Variants in CTNNA3 observed in about 807,000 individuals in gnomAD.
CTNNA3 encodes catenin alpha 3, also known as catenin alpha-3.
Under a neutral mutation model 95.7 loss-of-function variants are expected in CTNNA3, and 76 were observed. The ratio of observed to expected loss-of-function variants is 0.79; its 90% confidence interval spans 0.66 to 0.96. CTNNA3 has a LOEUF of 0.96. Among genes scored for constraint, CTNNA3 ranks in the 40% least tolerant of loss-of-function variants. The pLI, the probability that CTNNA3 is intolerant of heterozygous loss-of-function variation, is 0.00. For missense variants in CTNNA3, 1,191 were observed against 1,089.8 expected (o/e 1.09, Z -1.31); for synonymous variants, 431 against 374.4 (o/e 1.15, Z -1.74).
intron 7 of CTNNA3, among the ~76,000 whole-genome samples, chr10:66,840,284 T>C (rs2132345025): frequency 6.7e-6 from 1 of 149,342 alleles, no homozygotes; most frequent in Non-Finnish European, 1.5e-5. Context: ...TACCCTTAAC[T>C]TAAGGACTTA....
chr10:67,197,844 A>C (rs945672414), intron 6 of CTNNA3, among the ~76,000 whole-genome samples: 1 of 152,152 alleles, frequency 6.6e-6, no homozygotes, highest in Non-Finnish European at 1.5e-5. Context: ...CACTGTGTTT[A>C]AAATTTTACT....
At chr10:66,056,892 T>C (rs907880523) in intron 15 of CTNNA3, among the ~76,000 whole-genome samples, 1 of 152,196 alleles carries the variant, frequency 6.6e-6, no homozygotes, top group African/African-American at 2.4e-5. Context: ...CAACCAGTCC[T>C]GGAAATTAAA....
chr10:67,020,768 A>C (rs1240445465), intron 7 of CTNNA3, among the ~76,000 whole-genome samples: 1 of 152,214 alleles, frequency 6.6e-6, no homozygotes, highest in Non-Finnish European at 1.5e-5. Flanking sequence ...TTCTAATGGA[A>C]TGACCATGTA....
chr10:66,048,835 C>T (rs1236437509), intron 15 of CTNNA3, among the ~76,000 whole-genome samples: 1 of 151,908 alleles, frequency 6.6e-6, no homozygotes, highest in Non-Finnish European at 1.5e-5. Context: ...TTATAAAAAC[C>T]CTGGAAGAAA....
intron 10 of CTNNA3, among the ~76,000 whole-genome samples, chr10:66,618,088 C>T (rs1372986184): frequency 6.6e-6 from 1 of 152,076 alleles, no homozygotes; most frequent in Non-Finnish European, 1.5e-5. Context: ...AAGAACATTC[C>T]ATGCTCATGG....
chr10:67,235,695 A>C (rs1048736780), intron 5 of CTNNA3, among the ~76,000 whole-genome samples: 1 of 143,396 alleles, frequency 7.0e-6, no homozygotes, highest in Non-Finnish European at 1.5e-5. Flanking sequence ...GCTTCTGCAC[A>C]GCAAAAGAAA....
intron 7 of CTNNA3, among the ~76,000 whole-genome samples, chr10:66,944,020 A>T (rs989115449): frequency 3.3e-5 from 5 of 152,136 alleles, no homozygotes; most frequent in African/African-American, 1.2e-4. Flanking sequence ...CTAAAAGTTG[A>T]GGTGACTGTG....
chr10:66,527,751 T>C (rs1291020588), intron 10 of CTNNA3, among the ~76,000 whole-genome samples: 1 of 152,158 alleles, frequency 6.6e-6, no homozygotes, highest in Non-Finnish European at 1.5e-5. Flanking sequence ...TCATTGTTCG[T>C]ATACAAAGAC....
intron 1 of CTNNA3, among the ~76,000 whole-genome samples, chr10:67,683,637 G>A (rs1036997385): frequency 2.3e-4 from 35 of 152,230 alleles, no homozygotes; most frequent in African/African-American, 8.2e-4. Flanking sequence ...ATATAGGTAA[G>A]AGTGTGTCCA....
intron 7 of CTNNA3, among the ~76,000 whole-genome samples, chr10:67,035,927 T>C (rs894213538): frequency 1.3e-5 from 2 of 152,224 alleles, no homozygotes; most frequent in Non-Finnish European, 2.9e-5. Flanking sequence ...CTTTCTCCTT[T>C]CTGAAAACTA....
chr10:66,171,090 G>A (rs980968698), intron 13 of CTNNA3, among the ~76,000 whole-genome samples: 1 of 151,978 alleles, frequency 6.6e-6, no homozygotes, highest in African/African-American at 2.4e-5. Context: ...CCGAGATGGA[G>A]CCACTGCACT....
intron 11 of CTNNA3, among the ~76,000 whole-genome samples, chr10:66,419,179 AG>A (rs1054449396): frequency 5.3e-5 from 8 of 152,278 alleles, no homozygotes; most frequent in Non-Finnish European, 7.4e-5. Flanking sequence ...GTTACACTAC[AG>A]GATACAAAAT....
At chr10:67,078,380 A>G (rs1471141735) in intron 7 of CTNNA3, among the ~76,000 whole-genome samples, 1 of 152,250 alleles carries the variant, frequency 6.6e-6, no homozygotes, top group Non-Finnish European at 1.5e-5. Flanking sequence ...TTGTTCTGTA[A>G]GGAAATGAGA....
intron 7 of CTNNA3, among the ~76,000 whole-genome samples, chr10:66,987,074 A>C (rs1299156766): frequency 2.6e-5 from 4 of 152,194 alleles, no homozygotes; most frequent in Admixed American, 2.0e-4. Flanking sequence ...CAAGTGCAAA[A>C]GTCCCGACGT....
At chr10:66,604,987 A>G (rs1844067280) in intron 10 of CTNNA3, among the ~76,000 whole-genome samples, 1 of 152,148 alleles carries the variant, frequency 6.6e-6, no homozygotes, top group Non-Finnish European at 1.5e-5. Flanking sequence ...AGTAGAATTC[A>G]GAATATGGAT....
At chr10:67,253,013 T>C (rs889968559) in intron 5 of CTNNA3, among the ~76,000 whole-genome samples, 2 of 152,170 alleles carry the variant, frequency 1.3e-5, no homozygotes, top group Non-Finnish European at 2.9e-5. Context: ...CATACAATTA[T>C]TTTTTTCCTT....
intron 9 of CTNNA3, among the ~76,000 whole-genome samples, chr10:66,671,587 A>T (rs976191653): frequency 2.0e-5 from 3 of 152,150 alleles, no homozygotes; most frequent in African/African-American, 7.2e-5. Flanking sequence ...TTAAACCCTA[A>T]ATAGTTATAA....
intron 5 of CTNNA3, among the ~76,000 whole-genome samples, chr10:67,474,161 T>C (rs1398741970): frequency 6.6e-6 from 1 of 152,224 alleles, no homozygotes; most frequent in Non-Finnish European, 1.5e-5. Flanking sequence ...TTTGTCTATA[T>C]ACTTCAGGTA....
intron 7 of CTNNA3, among the ~76,000 whole-genome samples, chr10:67,162,087 T>G (rs1360954728): frequency 6.6e-6 from 1 of 152,032 alleles, no homozygotes; most frequent in East Asian, 1.9e-4. Flanking sequence ...AGCTGTAGAC[T>G]TCAACATCCT....
Sources: allele counts gnomAD v4.1 joint callset (sites outside exome capture counted in the v4.1 genomes callset), GRCh38; gene constraint gnomAD v4.1.1; transcripts MANE v1.5; gene names NCBI Gene and HGNC (gene_info 2026-07-23, HGNC 2026-07-21).